PTPRN2: variants seen among roughly 807,000 people sequenced by gnomAD.
PTPRN2 encodes the protein receptor-type tyrosine-protein phosphatase N2.
Under a neutral mutation model 118.8 loss-of-function variants are expected in PTPRN2, and 74 were observed. That is an observed-to-expected ratio of 0.62 (90% CI 0.52 to 0.76). The LOEUF is 0.76. Ranked by LOEUF, PTPRN2 falls within the 30% of genes least tolerant of loss-of-function variation. PTPRN2 has a pLI of 0.00. For missense variants in PTPRN2, 1,481 were observed against 1,394.4 expected (o/e 1.06, Z -0.99); for synonymous variants, 641 against 608.0 (o/e 1.05, Z -0.80).
chr7:158,169,155 G>A (rs952823886), intron 5 of PTPRN2, among the ~76,000 whole-genome samples: 2 of 152,170 alleles, frequency 1.3e-5, no homozygotes, highest in Non-Finnish European at 2.9e-5. Flanking sequence ...GGCTATTTCC[G>A]AAAATATTTG....
chr7:158,558,781 A>G (rs976643256), intron 1 of PTPRN2, among the ~76,000 whole-genome samples: 2 of 149,518 alleles, frequency 1.3e-5, no homozygotes, highest in African/African-American at 2.5e-5. Context: ...AAAAAAAAAA[A>G]GCAGTAATCT....
intron 2 of PTPRN2, among the ~76,000 whole-genome samples, chr7:158,387,016 T>C (rs2151364437): frequency 6.6e-6 from 1 of 152,240 alleles, no homozygotes. Flanking sequence ...CTTCTCACCC[T>C]CTGGGATCGC....
In PTPRN2 at chr7:157,813,243, G is replaced by A. The variant is rs546537385; in HGVS notation, c.1788+85430C>T. Among the ~76,000 whole-genome samples, 2 of 152,282 alleles carry A rather than the reference G, an allele frequency of 1.3e-5. No individual in the cohort carries two copies. Among genetic ancestry groups the A allele is most frequent in the South Asian group, 2.1e-4 (1 of 4,824 alleles). The stretch of plus-strand genomic sequence containing the variant: ...CCGGTTGGAGAAGTGGAACTTCAGT[G>A]GTAAGCCCAGACCTTTGGGACCCCT... On this transcript the variant is annotated intron_variant, in intron 12 of 22. Transcript: ENST00000389418. The surrounding 1 kb of genome is among the most constrained non-coding windows in gnomAD (Gnocchi z 4.7).
Position 157,753,114 on chromosome 7 carries a change from A to G in PTPRN2, c.1789-70177T>C, listed in dbSNP as rs531785070. On this transcript the variant is annotated intron_variant, in intron 12 of 22. Transcript: ENST00000389418. ...CTCTCCAGGCCTGCGTGCAGGGGGC[A>G]AGGACAGTGAAGCTACTGACACTTA... Among the ~76,000 whole-genome samples the G allele has an allele frequency of 2.2e-3, 338 of 152,326 alleles. 1 individual carries two copies. Among genetic ancestry groups the G allele is most frequent in the Non-Finnish European group, 4.2e-3 (283 of 68,016 alleles).
intron 12 of PTPRN2, among the ~76,000 whole-genome samples, chr7:157,737,025 A>G (rs1800339239): frequency 1.3e-5 from 2 of 152,244 alleles, no homozygotes; most frequent in African/African-American, 4.8e-5. Context: ...GGGGCAATGC[A>G]TCTTCTCAGT....
chr7:158,340,591 C>G (rs1258955454), intron 2 of PTPRN2, among the ~76,000 whole-genome samples: 2 of 116,558 alleles, frequency 1.7e-5, no homozygotes, highest in African/African-American at 6.3e-5. Context: ...CCGACGCCCG[C>G]AGACATCACT....
chr7:158,356,787 TA>T (rs11438939), intron 2 of PTPRN2, among the ~76,000 whole-genome samples: 11 of 148,584 alleles, frequency 7.4e-5, no homozygotes, highest in Non-Finnish European at 1.0e-4. Flanking sequence ...TGAAAAGAGC[TA>T]AAAAAAAAAA....
chr7:158,485,391 G>A (rs1322070860), intron 2 of PTPRN2, among the ~76,000 whole-genome samples: 1 of 95,548 alleles, frequency 1.0e-5, no homozygotes, highest in Non-Finnish European at 2.1e-5. Flanking sequence ...CCTCCTGCTC[G>A]GCCACCCCTC....
chr7:157,882,582 A>C (rs1157260666), intron 12 of PTPRN2, among the ~76,000 whole-genome samples: 1 of 151,640 alleles, frequency 6.6e-6, no homozygotes, highest in African/African-American at 2.4e-5. Context: ...TCACCCCAAA[A>C]ATGACTGTCG....
intron 11 of PTPRN2, among the ~76,000 whole-genome samples, chr7:157,957,428 G>A (rs879840215): frequency 6.6e-6 from 1 of 152,110 alleles, no homozygotes; most frequent in African/African-American, 2.4e-5. Flanking sequence ...ATCAAAATGC[G>A]ATCAGAGCAT....
intron 12 of PTPRN2, among the ~76,000 whole-genome samples, chr7:157,691,846 G>A (rs1486891553): frequency 6.6e-6 from 1 of 152,100 alleles, no homozygotes; most frequent in South Asian, 2.1e-4. Flanking sequence ...GGGCGACTAG[G>A]ACCACTGAGC....
At chr7:157,712,446 C>G (rs1312141248) in intron 12 of PTPRN2, among the ~76,000 whole-genome samples, 1 of 152,080 alleles carries the variant, frequency 6.6e-6, no homozygotes. Flanking sequence ...GGACTGGTGT[C>G]CTGATCAAAA....
intron 4 of PTPRN2, among the ~76,000 whole-genome samples, chr7:158,196,109 G>A (rs1207991853): frequency 1.3e-5 from 2 of 152,210 alleles, no homozygotes; most frequent in Non-Finnish European, 2.9e-5. Context: ...GTTTGAAGAA[G>A]CACTATGTCG....
rs367788680 is a variant in PTPRN2 at position 158,109,860 on chromosome 7, C to T, written c.1643+969G>A. ...AAGAGTCAGTGAGTGAATGACGTCA[C>T]CCCTATGTGAAGGGGACAGTGAGTG... On this transcript the variant is annotated intron_variant, in intron 10 of 22. Coordinates refer to ENST00000389418, the MANE Select transcript of PTPRN2 (RefSeq NM_002847.5). Among the ~76,000 whole-genome samples the T allele has an allele frequency of 7.3e-5, 11 of 151,640 alleles. No homozygotes were observed. The East Asian group carries it at 9.7e-4, about 13-fold the overall frequency.
intron 21 of PTPRN2, among the ~76,000 whole-genome samples, chr7:157,557,084 A>G (rs1290611027): frequency 6.6e-6 from 1 of 151,566 alleles, no homozygotes; most frequent in Non-Finnish European, 1.5e-5. Flanking sequence ...ATACACACAC[A>G]CACACAGATA....
At chr7:157,558,276 C>T (rs779485570) in intron 21 of PTPRN2, among the ~76,000 whole-genome samples, 12 of 152,060 alleles carry the variant, frequency 7.9e-5, no homozygotes, top group Non-Finnish European at 1.5e-4. Flanking sequence ...AGCGTCTGTG[C>T]TGACAGAAGA....
intron 5 of PTPRN2, among the ~76,000 whole-genome samples, chr7:158,179,266 G>A (rs1824490996): frequency 6.6e-6 from 1 of 152,066 alleles, no homozygotes; most frequent in African/African-American, 2.4e-5. Flanking sequence ...GTGATGTTGA[G>A]CATTTTTTTC....
intron 12 of PTPRN2, among the ~76,000 whole-genome samples, chr7:157,834,760 C>A (rs553345994): frequency 1.3e-5 from 2 of 152,216 alleles, no homozygotes; most frequent in East Asian, 1.9e-4. Flanking sequence ...GGACCCCAGG[C>A]GGGTGTGGGG....
intron 10 of PTPRN2, among the ~76,000 whole-genome samples, chr7:158,107,761 C>G (rs772073881): frequency 6.6e-5 from 10 of 152,182 alleles, no homozygotes; most frequent in Non-Finnish European, 1.3e-4. Flanking sequence ...GCTCTCTTCC[C>G]TCACCTGCAT....
Sources: gnomAD v4.1 joint callset for allele counts (sites outside exome capture counted in the v4.1 genomes callset) on GRCh38, gnomAD v4.1.1 for gene constraint, Gnocchi (gnomAD v3.1) non-coding constraint, MANE v1.5 for transcripts, NCBI Gene and HGNC (gene_info 2026-07-23, HGNC 2026-07-21) for gene names.